Variants in KIF26B observed in about 807,000 individuals in gnomAD.
KIF26B encodes kinesin-like protein KIF26B.
In KIF26B, 63 loss-of-function variants were observed where a neutral mutation model predicts 151.2. The observed-to-expected ratio is 0.42, with a 90% CI of 0.34 to 0.51. The LOEUF is 0.51. KIF26B is among the 20% of genes least tolerant of loss of function. The pLI, the probability that KIF26B is intolerant of heterozygous loss-of-function variation, is 0.07. For missense variants in KIF26B, 2,813 were observed against 2,913.6 expected (o/e 0.97, Z 0.79); for synonymous variants, 1,357 against 1,262.1 (o/e 1.08, Z -1.59).
intron 2 of KIF26B, among the ~76,000 whole-genome samples, chr1:245,276,714 A>T (rs942709998): frequency 6.6e-6 from 1 of 152,158 alleles, no homozygotes; most frequent in Non-Finnish European, 1.5e-5. Flanking sequence ...GCCAGCTTTG[A>T]TCATCTGGTT....
intron 10 of KIF26B, among the ~76,000 whole-genome samples, chr1:245,657,093 C>T (rs2044083323): frequency 6.6e-6 from 1 of 152,008 alleles, no homozygotes; most frequent in African/African-American, 2.4e-5. Context: ...TCTTTTTATC[C>T]TCACTTTTCT....
chr1:245,513,344 T>C (rs1278616819), intron 4 of KIF26B, among the ~76,000 whole-genome samples: 1 of 151,710 alleles, frequency 6.6e-6, no homozygotes, highest in Non-Finnish European at 1.5e-5. Flanking sequence ...AGGCAGCTGA[T>C]TGACATCGGG....
intron 10 of KIF26B, chr1:245,676,505 A>C (rs563092202): frequency 6.6e-6 from 1 of 152,374 alleles, no homozygotes; most frequent in African/African-American, 2.4e-5. Flanking sequence ...GTTACATCAT[A>C]TATTTCTTCT....
intron 4 of KIF26B, among the ~76,000 whole-genome samples, chr1:245,534,944 G>A (rs891028174): frequency 6.6e-6 from 1 of 152,004 alleles, no homozygotes; most frequent in African/African-American, 2.4e-5. Flanking sequence ...CACCATGCTC[G>A]ACTAGTTTTT....
In KIF26B at chr1:245,431,414, G is replaced by A. The variant is rs181099989; in HGVS notation, c.1166+11669G>A. Among the ~76,000 whole-genome samples the A allele has an allele frequency of 8.9e-3, 1,348 of 151,320 alleles. 27 individuals are homozygous for A. The highest frequency in any genetic ancestry group is 0.031 in the African/African-American group (1,281 of 41,148). ...GGCTAGGGTGCAGTGGTGCGATCTCGGCTCACTGCAACCTCTGCCTCCCGG... is the reference window on the plus strand; with the variant it reads ...GGCTAGGGTGCAGTGGTGCGATCTCAGCTCACTGCAACCTCTGCCTCCCGG... On this transcript the variant is annotated intron_variant, in intron 4 of 14. Transcript: ENST00000407071.
chr1:245,202,407 G>T (rs10802196), intron 2 of KIF26B, among the ~76,000 whole-genome samples: 2 of 151,944 alleles, frequency 1.3e-5, no homozygotes, highest in Admixed American at 1.3e-4. Flanking sequence ...CTGATCTACC[G>T]GTCTGAGCTT....
intron 4 of KIF26B, among the ~76,000 whole-genome samples, chr1:245,445,296 A>T (rs965622959): frequency 6.6e-6 from 1 of 152,210 alleles, no homozygotes; most frequent in Admixed American, 6.5e-5. Flanking sequence ...CAGCACCATC[A>T]AAGGGTCATG....
chr1:245,602,465 T>C lies in KIF26B; in HGVS notation c.1351-112T>C, dbSNP rs1558232347. 1.3e-6 allele frequency: 1 copy of C among 785,568 alleles called. No homozygotes were observed. 48.7% of individuals were successfully genotyped at this position (785,568 alleles called of 1,614,324 possible). ...CTGTGCATTTCATCATAATTTATCCTGAGAAAGTTCAGTGCTGCCATGTGC... is the reference window on the plus strand; with the variant it reads ...CTGTGCATTTCATCATAATTTATCCCGAGAAAGTTCAGTGCTGCCATGTGC... On this transcript the variant is annotated intron_variant, in intron 5 of 14. Transcript: ENST00000407071. The surrounding 1 kb of genome is among the most constrained non-coding windows in gnomAD (Gnocchi z 4.5).
chr1:245,240,119 G>A (rs1040523674), intron 2 of KIF26B, among the ~76,000 whole-genome samples: 57 of 152,136 alleles, frequency 3.7e-4, no homozygotes, highest in African/African-American at 1.3e-3. Flanking sequence ...GCAGTCAGCC[G>A]AGATCGTGCT....
intron 2 of KIF26B, among the ~76,000 whole-genome samples, chr1:245,317,792 C>T (rs559238180): frequency 6.6e-6 from 1 of 152,290 alleles, no homozygotes; most frequent in Admixed American, 6.5e-5. Context: ...GTCATGGATG[C>T]CTCAACTTGC....
At chr1:245,677,169 G>A (rs563732619) in intron 10 of KIF26B, among the ~76,000 whole-genome samples, 1 of 152,356 alleles carries the variant, frequency 6.6e-6, no homozygotes, top group African/African-American at 2.4e-5. Flanking sequence ...TAGGAGGTGT[G>A]CTGGTTGGAT....
chr1:245,184,248 A>G (rs1323706073), intron 2 of KIF26B, among the ~76,000 whole-genome samples: 23 of 151,660 alleles, frequency 1.5e-4, no homozygotes, highest in Admixed American at 1.5e-3. Flanking sequence ...TTGGGGCACT[A>G]ATCACAAAGG....
intron 12 of KIF26B, among the ~76,000 whole-genome samples, chr1:245,689,170 G>C (rs2044587754): frequency 6.6e-6 from 1 of 152,248 alleles, no homozygotes; most frequent in Non-Finnish European, 1.5e-5. Flanking sequence ...GTGGCAGCAT[G>C]ACCCGCACCT....
At chr1:245,297,000 T>G (rs1671348036) in intron 2 of KIF26B, among the ~76,000 whole-genome samples, 1 of 152,194 alleles carries the variant, frequency 6.6e-6, no homozygotes, top group Admixed American at 6.5e-5. Flanking sequence ...TAGTATGAAC[T>G]GTGTTAATAT....
chr1:245,204,332 C>A (rs373608737), intron 2 of KIF26B, among the ~76,000 whole-genome samples: 5 of 152,176 alleles, frequency 3.3e-5, no homozygotes, highest in African/African-American at 1.2e-4. Flanking sequence ...AAACTGTACT[C>A]ATTTCAAACT....
chr1:245,394,176 G>A (rs996266580), intron 3 of KIF26B, among the ~76,000 whole-genome samples: 8 of 152,146 alleles, frequency 5.3e-5, no homozygotes, highest in African/African-American at 1.9e-4. Context: ...TTAAAATCCT[G>A]TTGCAGTTTC....
At chr1:245,291,406 A>G (rs559366044) in intron 2 of KIF26B, among the ~76,000 whole-genome samples, 8 of 152,306 alleles carry the variant, frequency 5.3e-5, no homozygotes, top group Non-Finnish European at 1.0e-4. Context: ...TCTTCCAAAG[A>G]AGATAAAATT....
chr1:245,428,149 CTCTGGTTTCTTATTTATTTAT>C (rs1432077518), intron 4 of KIF26B, among the ~76,000 whole-genome samples: 1 of 152,198 alleles, frequency 6.6e-6, no homozygotes, highest in Non-Finnish European at 1.5e-5. Flanking sequence ...AACCCCTACC[CTCTGGTTTCTTATTTATTTAT>C]TTATTCCTGA....
chr1:245,701,126 G>GTCTT (rs1390170007), intron 14 of KIF26B, among the ~76,000 whole-genome samples: 1 of 152,156 alleles, frequency 6.6e-6, no homozygotes, highest in African/African-American at 2.4e-5. Context: ...CTTCCTTCTA[G>GTCTT]TCTTTGTACA....
Sources: gnomAD v4.1 joint callset for allele counts (sites outside exome capture counted in the v4.1 genomes callset) on GRCh38, gnomAD v4.1.1 for gene constraint, Gnocchi (gnomAD v3.1) non-coding constraint, MANE v1.5 for transcripts, NCBI Gene and HGNC (gene_info 2026-07-23, HGNC 2026-07-21) for gene names.